ASIC2: variants seen among roughly 807,000 people sequenced by gnomAD.
ASIC2 encodes acid-sensing ion channel 2.
ASIC2 carries 25 observed loss-of-function variants against 57.3 expected under a neutral mutation model. That is an observed-to-expected ratio of 0.44 (90% CI 0.32 to 0.61). The LOEUF (loss-of-function observed/expected upper bound fraction) is 0.61. Among genes scored for constraint, ASIC2 ranks in the 20% least tolerant of loss-of-function variants. ASIC2 has a pLI of 0.06. For synonymous variants in ASIC2, 319 were observed against 307.5 expected, an observed-to-expected ratio of 1.04 and a Z score of -0.39; for missense variants, 641 against 738.1, an observed-to-expected ratio of 0.87 and a Z score of 1.52.
intron 1 of ASIC2, among the ~76,000 whole-genome samples, chr17:33,426,078 A>G (rs577353280): frequency 6.6e-6 from 1 of 152,274 alleles, no homozygotes; most frequent in Admixed American, 6.5e-5. Flanking sequence ...GCACCTGACT[A>G]GTGCCCAGGG....
At chr17:33,417,690 T>C (rs1910895549) in intron 1 of ASIC2, among the ~76,000 whole-genome samples, 1 of 152,184 alleles carries the variant, frequency 6.6e-6, no homozygotes, top group African/African-American at 2.4e-5. Context: ...CCCATGCCTC[T>C]TCCAATGTTT....
At chr17:34,082,688 C>T (rs973506582) in intron 1 of ASIC2, among the ~76,000 whole-genome samples, 1 of 152,206 alleles carries the variant, frequency 6.6e-6, no homozygotes, top group Non-Finnish European at 1.5e-5. Context: ...TGTGCTAGAC[C>T]CTGTGCTAGG....
intron 1 of ASIC2, among the ~76,000 whole-genome samples, chr17:33,282,649 A>G (rs530520399): frequency 6.1e-4 from 93 of 152,138 alleles, no homozygotes; most frequent in Non-Finnish European, 1.3e-3. Flanking sequence ...TAATTTTTGA[A>G]TTTTTAGTAG....
chr17:34,042,872 G>A (rs892068015), intron 1 of ASIC2, among the ~76,000 whole-genome samples: 6 of 152,020 alleles, frequency 3.9e-5, no homozygotes, highest in South Asian at 2.1e-4. Context: ...TAATAGCCTC[G>A]AACTAGAAAC....
intron 1 of ASIC2, among the ~76,000 whole-genome samples, chr17:33,500,120 A>G (rs1914057153): frequency 6.6e-6 from 1 of 152,136 alleles, no homozygotes; most frequent in Non-Finnish European, 1.5e-5. Context: ...ATAAAATAGG[A>G]AGGAAAAGCT....
At chr17:33,826,238 A>T (rs1250465945) in intron 1 of ASIC2, among the ~76,000 whole-genome samples, 1 of 152,202 alleles carries the variant, frequency 6.6e-6, no homozygotes, top group South Asian at 2.1e-4. Context: ...CTTCCCTTGA[A>T]ATTCAGTGGT....
At chr17:34,082,968 C>T (rs926484879) in intron 1 of ASIC2, among the ~76,000 whole-genome samples, 4 of 151,966 alleles carry the variant, frequency 2.6e-5, no homozygotes, top group East Asian at 3.9e-4. Flanking sequence ...TTTGTATAGT[C>T]CATACTCACA....
chr17:33,475,187 C>A (rs1361592850), intron 1 of ASIC2, among the ~76,000 whole-genome samples: 1 of 152,120 alleles, frequency 6.6e-6, no homozygotes, highest in Non-Finnish European at 1.5e-5. Context: ...AAAGTCATAA[C>A]CTACCTAAAC....
intron 1 of ASIC2, among the ~76,000 whole-genome samples, chr17:33,400,180 A>T (rs1236614312): frequency 6.6e-6 from 1 of 152,148 alleles, no homozygotes; most frequent in African/African-American, 2.4e-5. Flanking sequence ...TTGAGGTAGG[A>T]TATATGGAAG....
chr17:33,163,536 C>T (rs967725685), intron 1 of ASIC2, among the ~76,000 whole-genome samples: 14 of 152,076 alleles, frequency 9.2e-5, no homozygotes, highest in Non-Finnish European at 1.6e-4. Flanking sequence ...ATTAGGCACT[C>T]GTGTGTGCCA....
intron 1 of ASIC2, among the ~76,000 whole-genome samples, chr17:33,346,469 T>G (rs1189712226): frequency 1.3e-5 from 2 of 152,074 alleles, no homozygotes; most frequent in East Asian, 3.9e-4. Flanking sequence ...GGTGGATATT[T>G]GGGATTTTCT....
At chr17:33,832,668 G>A (rs904101964) in intron 1 of ASIC2, among the ~76,000 whole-genome samples, 6 of 152,164 alleles carry the variant, frequency 3.9e-5, no homozygotes, top group African/African-American at 4.8e-5. Context: ...GTGTCATGTT[G>A]GCATTTAAAG....
At chr17:33,065,509 G>T (rs563639058) in intron 3 of ASIC2, among the ~76,000 whole-genome samples, 1 of 152,084 alleles carries the variant, frequency 6.6e-6, no homozygotes, top group African/African-American at 2.4e-5. Flanking sequence ...AGAGTTGGGG[G>T]TCTTGCTTTG....
At chr17:34,047,708 A>G (rs990379698) in intron 1 of ASIC2, among the ~76,000 whole-genome samples, 5 of 152,038 alleles carry the variant, frequency 3.3e-5, no homozygotes, top group African/African-American at 1.2e-4. Flanking sequence ...AGAAGTGACA[A>G]TGTGCCAGTT....
At chr17:33,722,476 A>G (rs1909417711) in intron 1 of ASIC2, among the ~76,000 whole-genome samples, 1 of 152,210 alleles carries the variant, frequency 6.6e-6, no homozygotes, top group Non-Finnish European at 1.5e-5. Context: ...ATAGAAAAAG[A>G]TATCCAGGCT....
At chr17:33,548,994 G>A (rs1382583507) in intron 1 of ASIC2, among the ~76,000 whole-genome samples, 1 of 151,828 alleles carries the variant, frequency 6.6e-6, no homozygotes, top group Non-Finnish European at 1.5e-5. Context: ...TAACACCATG[G>A]GATTATCTTG....
intron 1 of ASIC2, among the ~76,000 whole-genome samples, chr17:34,061,701 A>G (rs1265786979): frequency 6.6e-6 from 1 of 152,242 alleles, no homozygotes; most frequent in Non-Finnish European, 1.5e-5. Flanking sequence ...GCAAATGGAT[A>G]CCAAAAGTGA....
At chr17:33,761,977 A>G (rs1038072959) in intron 1 of ASIC2, among the ~76,000 whole-genome samples, 1 of 151,996 alleles carries the variant, frequency 6.6e-6, no homozygotes, top group Non-Finnish European at 1.5e-5. Context: ...AGCACTCTCT[A>G]TGGTAGGCAA....
intron 1 of ASIC2, among the ~76,000 whole-genome samples, chr17:33,339,128 G>A (rs548832275): frequency 1.1e-4 from 17 of 152,250 alleles, no homozygotes; most frequent in African/African-American, 4.1e-4. Context: ...AAAAAATAAA[G>A]CCTTTGCAGG....
Sources: allele counts gnomAD v4.1 joint callset (sites outside exome capture counted in the v4.1 genomes callset), GRCh38; gene constraint gnomAD v4.1.1; transcripts MANE v1.5; gene names NCBI Gene and HGNC (gene_info 2026-07-23, HGNC 2026-07-21).